The following ENAM variants were observed in gnomAD, a reference collection of about 807,000 sequenced individuals.
ENAM encodes enamelin.
A neutral mutation model predicts 33.6 loss-of-function variants in ENAM; 21 were observed. The observed-to-expected ratio is 0.63, with a 90% CI of 0.44 to 0.90. The LOEUF (loss-of-function observed/expected upper bound fraction) is 0.90. Ranked by LOEUF, ENAM falls within the 40% of genes least tolerant of loss-of-function variation. The pLI, the probability that ENAM is intolerant of heterozygous loss-of-function variation, is 0.00. For missense variants in ENAM, 1,388 were observed against 1,366.9 expected, an observed-to-expected ratio of 1.02 and a Z score of -0.24; for synonymous variants, 473 against 468.4, an observed-to-expected ratio of 1.01 and a Z score of -0.13.
chr4:70,640,923 T>G (rs1438007980), intron 8 of ENAM, among the ~76,000 whole-genome samples: 5 of 152,194 alleles, frequency 3.3e-5, no homozygotes, highest in Non-Finnish European at 1.5e-5. Context: ...TCTCAGCCTC[T>G]AATACTCTGA....
chr4:70,637,815 G>A lies in ENAM; in HGVS notation c.560G>A (p.Arg187His), dbSNP rs939219339. ...PQRLPPPGYG[R>H]PPISNEEGGN... is the part of the protein sequence containing the mutation. ...AGGTTACCACCACCAGGTTATGGAC[G>A]CCCACCAATCAGCAATGAAGAAGGG... Residue 187 changes from arginine to histidine, a missense_variant, in exon 8 of 9, where the codon CGC (arginine) becomes CAC (histidine). Transcript: ENST00000396073. 3 of 1,613,536 alleles carry A rather than the reference G, an allele frequency of 1.9e-6. No homozygotes were observed. The highest frequency in any genetic ancestry group is 2.2e-5 in the East Asian group (1 of 44,866).
At chr4:70,639,077 A>T (rs1299631229) in intron 8 of ENAM, among the ~76,000 whole-genome samples, 1 of 152,022 alleles carries the variant, frequency 6.6e-6, no homozygotes, top group Non-Finnish European at 1.5e-5. Flanking sequence ...GATTACAGGC[A>T]TGAGCCACTG....
In ENAM at chr4:70,635,890, C is replaced by T; in HGVS notation, c.530C>T (p.Pro177Leu). The T allele has an allele frequency of 2.5e-6, 4 of 1,596,884 alleles. No homozygotes were observed. The highest frequency in any genetic ancestry group is 8.6e-7 in the Non-Finnish European group (1 of 1,166,188). Residue 177 changes from proline (P) to leucine (L), a missense_variant, in exon 7 of 9, where the codon CCA becomes CTA. Coordinates refer to ENST00000396073, the MANE Select transcript of ENAM (RefSeq NM_031889.3). ...FPYQQPPWQI[P>L]QRLPPPGYGR... ...TATCAACAACCACCATGGCAAATTC[C>T]ACAGGTGAGAAATTTTTTTTTCTTT...
chr4:70,631,818 G>T, intron 3 of ENAM, 31 bp from the exon 4 acceptor site: 1 of 1,613,148 alleles, frequency 6.2e-7, no homozygotes, highest in Non-Finnish European at 8.5e-7. Flanking sequence ...CTGATGTTCT[G>T]CATTTGTCAC....
Position 70,642,859 on chromosome 4 carries a change from G to A in ENAM, c.1433G>A (p.Gly478Asp), listed in dbSNP as rs554084117. 5.6e-6 allele frequency: 9 copies of A among 1,613,846 alleles called. No homozygotes were observed. Among genetic ancestry groups the A allele is most frequent in the African/African-American group, 1.3e-5 (1 of 74,900 alleles). Residue 478 changes from glycine (G) to aspartate (D), a missense_variant, in exon 9 of 9, where the codon GGT (glycine) becomes GAT (aspartate). Transcript: ENST00000396073. ...KSNYKLPHSE[G>D]YMPVPNFNSV... ...AATTATAAACTGCCTCACTCTGAGG[G>A]TTATATGCCAGTCCCAAATTTTAAT...
intron 2 of ENAM, among the ~76,000 whole-genome samples, chr4:70,631,152 A>G (rs1313654533): frequency 6.6e-6 from 1 of 152,220 alleles, no homozygotes; most frequent in Non-Finnish European, 1.5e-5. Flanking sequence ...CTTAGTCTCT[A>G]TATAACAGAA....
rs1738632505 is a variant in ENAM, at chr4:70,642,658, AC to A, written c.1235del (p.Pro412LeufsTer2). 6.2e-7 allele frequency: 1 copy of A among 1,613,178 alleles called. No individual in the cohort carries two copies. The highest frequency in any genetic ancestry group is 8.5e-7 in the Non-Finnish European group (1 of 1,179,742). On this transcript the variant is annotated frameshift_variant, in exon 9 of 9. Transcript: ENST00000396073. LOFTEE classifies it low-confidence loss of function (END_TRUNC). ...LRRKPQGPNK[H>X]PVGTTVAPLG... is the part of the protein sequence containing the mutation. ...AGAAAGCCTCAGGGGCCAAATAAACACCCTGTAGGAACTACTGTTGCCCCAC... is the reference window on the plus strand; with the variant it reads ...AGAAAGCCTCAGGGGCCAAATAAACACCTGTAGGAACTACTGTTGCCCCAC...
Position 70,632,555 on chromosome 4 carries a change from G to T in ENAM, c.169-96G>T, listed in dbSNP as rs1220714859. The T allele has an allele frequency of 7.3e-6, 7 of 957,226 alleles. No individual in the cohort carries two copies. In the East Asian group the frequency reaches 9.6e-5, roughly 13 times the overall value. The allele number at this position is 957,226 out of a possible 1,614,324, so 59.3% of individuals were successfully genotyped here. A position where few individuals can be genotyped will look rare whatever the true frequency, so the allele number is the denominator to read the frequency against. ...AATTTTTACACTGGGAAGTTCTAAG[G>T]TTAAAAAAAGAAATTTTACTTATTT... On this transcript the variant is annotated intron_variant, in intron 4 of 8. Transcript: ENST00000396073.
chr4:70,631,786 A>G, intron 3 of ENAM, 48 bp downstream of exon 3: 2 of 1,607,104 alleles, frequency 1.2e-6, no homozygotes, highest in Middle Eastern at 1.7e-4. Context: ...TCCGTTAGGA[A>G]CAATTGTTGA....
chr4:70,636,584 C>A (rs1738456957), intron 7 of ENAM, among the ~76,000 whole-genome samples: 1 of 152,204 alleles, frequency 6.6e-6, no homozygotes, highest in African/African-American at 2.4e-5. Flanking sequence ...GCCTGACCAA[C>A]AAGGTGAAAC....
In ENAM at chr4:70,643,553, A is replaced by C; in HGVS notation, c.2127A>C (p.Lys709Asn). ...CCTATTCTTTAGATAATCCATCAAAACCAAGGGAGGATTTTTATTACAGTG... is the reference window on the plus strand; with the variant it reads ...CCTATTCTTTAGATAATCCATCAAACCCAAGGGAGGATTTTTATTACAGTG... ...YLPYSLDNPS[K>N]PREDFYYSEF... The change falls in exon 9 of 9, where the codon AAA becomes AAC. Residue 709 changes from lysine to asparagine, a missense_variant. Coordinates refer to ENST00000396073, the MANE Select transcript of ENAM (RefSeq NM_031889.3). 1 of 1,614,032 alleles carries C rather than the reference A, an allele frequency of 6.2e-7. No individual in the cohort carries two copies.
chr4:70,636,983 T>C (rs1738468121), intron 7 of ENAM, among the ~76,000 whole-genome samples: 1 of 152,240 alleles, frequency 6.6e-6, no homozygotes, highest in Non-Finnish European at 1.5e-5. Flanking sequence ...TGACTGTTCA[T>C]TCAGCTATGA....
At position 70,629,421 on chromosome 4, in the gene ENAM, G is replaced by A. The variant is rs574877044; in HGVS notation, c.-60-20G>A. The A allele has an allele frequency of 4.0e-4, 390 of 985,904 alleles. 7 individuals carry two copies. In the South Asian group the frequency reaches 4.9e-3, roughly 12 times the overall value. The allele number at this position is 985,904 out of a possible 1,614,324, so 61.1% of individuals were successfully genotyped here. On this transcript the variant is annotated intron_variant, in intron 1 of 8. Transcript: ENST00000396073. ...GCTTTGCTATTCATTTCATTTATTT[G>A]TTCCATTTCTATATTTTAGTTTCTT...
chr4:70,643,265 A>G lies in ENAM; in HGVS notation c.1839A>G (p.Pro613=), dbSNP rs754360956. 2.5e-6 allele frequency: 4 copies of G among 1,614,100 alleles called. No individual in the cohort carries two copies. The highest frequency in any genetic ancestry group is 1.3e-5 in the African/African-American group (1 of 75,040). Residue 613 remains proline (P), a synonymous_variant, in exon 9 of 9, where the codon CCA becomes CCG. Transcript: ENST00000396073. ...CATATGATCCCAGGGAAAACTCACC[A>G]TACCTTAGAGGCAATACATGGGATG... The part of the protein sequence containing the change: ...YNPYDPRENS[P]YLRGNTWDER...
chr4:70,643,966 C>G lies in ENAM; in HGVS notation c.2540C>G (p.Ser847Cys). The change falls in exon 9 of 9, where the codon TCT (serine) becomes TGT (cysteine). Residue 847 changes from serine to cysteine, a missense_variant. Transcript: ENST00000396073. ...AATTCTCCAGAGAGAGAACATTCAT[C>G]TTTCCCTAACTTCATCCCACCAAGT... is the stretch of plus-strand genomic sequence containing the variant. ...RMNSPEREHS[S>C]FPNFIPPSYP... 5 of 1,614,174 alleles carry G rather than the reference C, an allele frequency of 3.1e-6. No individual in the cohort carries two copies. The highest frequency in any genetic ancestry group is 4.2e-6 in the Non-Finnish European group (5 of 1,180,006).
In ENAM at chr4:70,643,483, A is replaced by G. The variant is rs759983758; in HGVS notation, c.2057A>G (p.Tyr686Cys). The change falls in exon 9 of 9, where the codon TAT (tyrosine) becomes TGT (cysteine). Residue 686 changes from tyrosine to cysteine, a missense_variant. By Grantham distance (194) the Tyr-to-Cys change is radical (BLOSUM62 -2). Transcript: ENST00000396073. ...AAAGGAGGCCCAACAGTTAGGCACT[A>G]TGAAGGTGAACAATATACCTCAAAT... ...SFKGGPTVRH[Y>C]EGEQYTSNQP... 2.4e-5 allele frequency: 39 copies of G among 1,614,076 alleles called. No individual in the cohort carries two copies. In the South Asian group the frequency reaches 3.7e-4, roughly 15 times the overall value.
chr4:70,644,477 G>A lies in ENAM; in HGVS notation c.3051G>A (p.Glu1017=), dbSNP rs575341713. The A allele has an allele frequency of 1.4e-5, 23 of 1,614,162 alleles. No homozygotes were observed. The Middle Eastern group carries it at 4.9e-4, about 35-fold the overall frequency. ...AAAGAACTGTTGACCTTACTCCTGA[G>A]CAGCTTGTTATTGGTACACCTGATG... ...LNERTVDLTP[E]QLVIGTPDEG... is the part of the protein sequence containing the mutation. The change falls in exon 9 of 9, where the codon GAG becomes GAA. Residue 1017 remains glutamate, a synonymous_variant. Coordinates refer to ENST00000396073, the MANE Select transcript of ENAM (RefSeq NM_031889.3).
chr4:70,634,375 T>C lies in ENAM; in HGVS notation c.278T>C (p.Met93Thr), dbSNP rs373525837. 2 of 1,613,968 alleles carry C rather than the reference T, an allele frequency of 1.2e-6. No individual in the cohort carries two copies. Among genetic ancestry groups the C allele is most frequent in the Non-Finnish European group, 1.7e-6 (2 of 1,179,972 alleles). Reference protein sequence around the residue: ...PQQFPQYQMPMWPQPPPNTWH... With the variant: ...PQQFPQYQMPTWPQPPPNTWH... ...CAATTTCCACAGTACCAGATGCCCA[T>C]GTGGCCTCAGCCACCACCCAACACA... Residue 93 changes from methionine (M) to threonine (T), a missense_variant, in exon 6 of 9, where the codon ATG becomes ACG. Transcript: ENST00000396073.
chr4:70,632,574 C>T, intron 4 of ENAM, 77 bp from the exon 5 acceptor site: 1 of 1,103,274 alleles, frequency 9.1e-7, no homozygotes, highest in South Asian at 1.2e-5. Context: ...AGAAATTTTA[C>T]TTATTTCTTA....
Sources: allele counts gnomAD v4.1 joint callset (sites outside exome capture counted in the v4.1 genomes callset), GRCh38; gene constraint gnomAD v4.1.1; transcripts MANE v1.5; gene names NCBI Gene and HGNC (gene_info 2026-07-23, HGNC 2026-07-21).